Variants in FAM135B observed in about 807,000 individuals in gnomAD.
FAM135B encodes protein FAM135B.
Under a neutral mutation model 127.7 loss-of-function variants are expected in FAM135B, and 43 were observed. That is an observed-to-expected ratio of 0.34 (90% CI 0.26 to 0.43). The LOEUF (loss-of-function observed/expected upper bound fraction) is 0.43. Among genes scored for constraint, FAM135B ranks in the 20% least tolerant of loss-of-function variants. The pLI is 1.00. For synonymous variants in FAM135B, 670 were observed against 665.1 expected, an observed-to-expected ratio of 1.01 and a Z score of -0.11; for missense variants, 1,558 against 1,725.6, an observed-to-expected ratio of 0.90 and a Z score of 1.72.
At chr8:138,377,448 G>A (rs1831552424) in intron 1 of FAM135B, among the ~76,000 whole-genome samples, 1 of 152,154 alleles carries the variant, frequency 6.6e-6, no homozygotes, top group African/African-American at 2.4e-5. Flanking sequence ...AGGCTGGGAA[G>A]TCCAAGAGCA....
chr8:138,194,355 A>T (rs548470061), intron 9 of FAM135B, among the ~76,000 whole-genome samples: 2 of 152,268 alleles, frequency 1.3e-5, no homozygotes, highest in African/African-American at 4.8e-5. Context: ...ATTCACTGTG[A>T]GACTGGATTT....
At chr8:138,389,969 C>T (rs1832450048) in intron 1 of FAM135B, among the ~76,000 whole-genome samples, 1 of 152,306 alleles carries the variant, frequency 6.6e-6, no homozygotes. Context: ...TACTTATCTG[C>T]TTTGCACTTA....
intron 2 of FAM135B, among the ~76,000 whole-genome samples, chr8:138,316,310 T>TCCTGGCTAACAC (rs1382600064): frequency 2.6e-5 from 4 of 151,862 alleles, no homozygotes; most frequent in East Asian, 3.9e-4. Flanking sequence ...ATCGAGACCA[T>TCCTGGCTAACAC]GGTGAAACCC....
intron 4 of FAM135B, 63 bp from the exon 5 acceptor site, chr8:138,256,822 G>T: frequency 8.0e-7 from 1 of 1,247,386 alleles, no homozygotes. Flanking sequence ...GAAATACTTA[G>T]CTGGTCTACT....
intron 7 of FAM135B, among the ~76,000 whole-genome samples, chr8:138,204,010 G>C (rs970998147): frequency 3.3e-5 from 5 of 152,248 alleles, no homozygotes; most frequent in African/African-American, 1.2e-4. Context: ...GAGCTCAGGT[G>C]GTAATGTGAG....
intron 7 of FAM135B, among the ~76,000 whole-genome samples, chr8:138,228,964 A>G (rs181838394): frequency 1.5e-3 from 234 of 152,224 alleles, no homozygotes; most frequent in Non-Finnish European, 2.8e-3. Flanking sequence ...TGGGTTCCAA[A>G]CAGAGCACAG....
chr8:138,158,119 G>C (rs1818956026), intron 12 of FAM135B, among the ~76,000 whole-genome samples: 1 of 152,192 alleles, frequency 6.6e-6, no homozygotes. Context: ...CAATGGAACA[G>C]AACAGAACCC....
At chr8:138,339,384 T>TATATATATATATATATATATATATATATA (rs1563915402) in intron 2 of FAM135B, among the ~76,000 whole-genome samples, 5 of 146,556 alleles carry the variant, frequency 3.4e-5, no homozygotes, top group Admixed American at 1.4e-4. Context: ...TATATATATA[T>TATATATATATATATATATATATATATATA]TTTAAAATCT....
intron 1 of FAM135B, among the ~76,000 whole-genome samples, chr8:138,389,474 A>G (rs1481044658): frequency 1.3e-5 from 2 of 152,250 alleles, no homozygotes; most frequent in Admixed American, 6.5e-5. Context: ...GTGCAGTAGG[A>G]TATTATTCAG....
chr8:138,406,028 G>A (rs1199261687), intron 1 of FAM135B, among the ~76,000 whole-genome samples: 1 of 127,874 alleles, frequency 7.8e-6, no homozygotes, highest in African/African-American at 3.2e-5. Context: ...AGAAGTGTCG[G>A]TTCATATCCT....
chr8:138,485,386 G>T (rs1279668434), intron 1 of FAM135B, among the ~76,000 whole-genome samples: 1 of 152,118 alleles, frequency 6.6e-6, no homozygotes, highest in Non-Finnish European at 1.5e-5. Flanking sequence ...TCGCATCGAG[G>T]TTCCTCAGTT....
At chr8:138,165,536 G>A (rs1819833158) in intron 12 of FAM135B, among the ~76,000 whole-genome samples, 1 of 152,122 alleles carries the variant, frequency 6.6e-6, no homozygotes, top group South Asian at 2.1e-4. Flanking sequence ...AAAAAGACTG[G>A]AAGACAATCT....
At chr8:138,256,924 G>T (rs1822142556) in intron 4 of FAM135B, among the ~76,000 whole-genome samples, 165 bp from the exon 5 acceptor site, 1 of 152,174 alleles carries the variant, frequency 6.6e-6, no homozygotes, top group Non-Finnish European at 1.5e-5. Flanking sequence ...AGTTCTGGGT[G>T]AACAGGATAT....
intron 1 of FAM135B, among the ~76,000 whole-genome samples, chr8:138,403,490 G>A (rs576216641): frequency 6.6e-6 from 1 of 152,156 alleles, no homozygotes; most frequent in African/African-American, 2.4e-5. Flanking sequence ...CTGCTGCTAT[G>A]AAATATAAAG....
At chr8:138,235,531 C>A (rs1820207434) in intron 7 of FAM135B, among the ~76,000 whole-genome samples, 1 of 152,172 alleles carries the variant, frequency 6.6e-6, no homozygotes. Context: ...CAAGCAAGGG[C>A]ATATTCAAAG....
At chr8:138,267,121 C>T (rs1257090142) in intron 3 of FAM135B, among the ~76,000 whole-genome samples, 1 of 152,078 alleles carries the variant, frequency 6.6e-6, no homozygotes, top group African/African-American at 2.4e-5. Context: ...GGAGGAGGAG[C>T]CTTCAGGAGG....
intron 12 of FAM135B, among the ~76,000 whole-genome samples, chr8:138,161,355 C>T (rs1819367989): frequency 6.7e-6 from 1 of 150,072 alleles, no homozygotes; most frequent in Admixed American, 6.6e-5. Context: ...TTTCTTCTCT[C>T]TCCCTCTTTC....
intron 1 of FAM135B, among the ~76,000 whole-genome samples, chr8:138,483,483 T>A (rs1814866725): frequency 6.6e-6 from 1 of 152,190 alleles, no homozygotes; most frequent in Non-Finnish European, 1.5e-5. Context: ...TCAGAAAAGA[T>A]GGCAACTGAG....
intron 1 of FAM135B, among the ~76,000 whole-genome samples, chr8:138,412,177 T>A (rs1441264827): frequency 6.6e-6 from 1 of 152,136 alleles, no homozygotes; most frequent in Non-Finnish European, 1.5e-5. Flanking sequence ...TGCAATATAC[T>A]CATGCAACAA....
Sources: allele counts gnomAD v4.1 joint callset (sites outside exome capture counted in the v4.1 genomes callset), GRCh38; gene constraint gnomAD v4.1.1; transcripts MANE v1.5; gene names NCBI Gene and HGNC (gene_info 2026-07-23, HGNC 2026-07-21).